Variants in CDK13 observed in about 807,000 individuals in gnomAD.
CDK13 encodes cyclin dependent kinase 13, also known as cyclin-dependent kinase 13.
CDK13 carries 40 observed loss-of-function variants against 137.6 expected under a neutral mutation model. The ratio of observed to expected loss-of-function variants is 0.29; its 90% CI spans 0.23 to 0.38. CDK13 has a LOEUF of 0.38. Ranked by LOEUF, CDK13 falls within the 10% of genes least tolerant of loss-of-function variation. The probability of loss-of-function intolerance (pLI) is 1.00; values close to 1 mark genes in which losing one functional copy is unlikely to be tolerated. For missense variants in CDK13, 1,704 were observed against 1,951.8 expected, an observed-to-expected ratio of 0.87 and a Z score of 2.39; for synonymous variants, 869 against 760.1, an observed-to-expected ratio of 1.14 and a Z score of -2.36.
Position 39,951,132 on chromosome 7 carries a change from C to T in CDK13, c.491C>T (p.Ala164Val). 1.6e-6 allele frequency: 2 copies of T among 1,242,560 alleles called. No homozygotes were observed. The highest frequency in any genetic ancestry group is 1.0e-6 in the Non-Finnish European group (1 of 994,634). 77.0% of individuals were successfully genotyped at this position (1,242,560 alleles called of 1,614,324 possible). A position where few individuals can be genotyped will look rare whatever the true frequency, so the allele number is the denominator to read the frequency against. Residue 164 changes from alanine to valine, a missense_variant, in exon 1 of 14, where the codon GCG becomes GTG. By Grantham distance (64) the Ala-to-Val change is moderately conservative. Transcript: ENST00000181839. ...GGGCTGCTGCTGGGGGGGGCCAGCGCGGCAACGGCGGCGACGGCTGCCGGG... is the reference window on the plus strand; with the variant it reads ...GGGCTGCTGCTGGGGGGGGCCAGCGTGGCAACGGCGGCGACGGCTGCCGGG... ...EQGLLLGGAS[A>V]ATAATAAGGT... is the part of the protein sequence containing the mutation.
intron 9 of CDK13, chr7:40,068,030 G>C (rs1786320234): frequency 6.6e-6 from 1 of 151,670 alleles, no homozygotes; most frequent in South Asian, 2.1e-4. Context: ...AGAAGGCGGA[G>C]GTTGCAGTGA....
At chr7:40,092,707 A>G in intron 12 of CDK13, 78 bp from the exon 13 acceptor site, 1 of 979,942 alleles carries the variant, frequency 1.0e-6, no homozygotes, top group East Asian at 2.4e-5. Context: ...TTCATATGGT[A>G]ATACAGAGCC....
At chr7:40,039,308 TGGAGTGCA>T (rs1161993558) in intron 5 of CDK13, among the ~76,000 whole-genome samples, 1 of 152,086 alleles carries the variant, frequency 6.6e-6, no homozygotes, top group African/African-American at 2.4e-5. Flanking sequence ...TTGCCCAGGC[TGGAGTGCA>T]GGAGTGCAGT....
chr7:40,080,218 C>T (rs1299493403), intron 11 of CDK13, among the ~76,000 whole-genome samples: 1 of 152,110 alleles, frequency 6.6e-6, no homozygotes, highest in Non-Finnish European at 1.5e-5. Flanking sequence ...GAACTCTTGA[C>T]CTCAGGTGAT....
rs527332051 is a variant in CDK13, at chr7:39,992,830, G to A, written c.1871+4572G>A. Among the ~76,000 whole-genome samples the A allele has an allele frequency of 2.6e-4, 40 of 151,918 alleles. No homozygotes were observed. In the South Asian group the frequency reaches 8.3e-3, roughly 32 times the overall value. The stretch of plus-strand genomic sequence containing the variant: ...TTCCCATAATCTGGAAATTACTTGT[G>A]CTTTGTTTATATAAAGAATACACAG... On this transcript the variant is annotated intron_variant, in intron 2 of 13. Transcript: ENST00000181839.
intron 9 of CDK13, among the ~76,000 whole-genome samples, chr7:40,063,808 C>T (rs997393349): frequency 4.0e-5 from 6 of 151,830 alleles, no homozygotes; most frequent in African/African-American, 1.5e-4. Flanking sequence ...CGGGTGCCCA[C>T]CACCATGCCC....
intron 5 of CDK13, among the ~76,000 whole-genome samples, chr7:40,027,341 TCACACAAA>T (rs1353057202): frequency 6.6e-6 from 1 of 152,196 alleles, no homozygotes; most frequent in East Asian, 1.9e-4. Flanking sequence ...AGACTCTGTC[TCACACAAA>T]CACACAAACA....
intron 11 of CDK13, among the ~76,000 whole-genome samples, chr7:40,086,248 C>G (rs1176496850): frequency 6.6e-6 from 1 of 152,154 alleles, no homozygotes; most frequent in African/African-American, 2.4e-5. Context: ...AGGCCATCCT[C>G]AAAGCTCAGT....
intron 2 of CDK13, among the ~76,000 whole-genome samples, chr7:39,995,421 G>A (rs1351757124): frequency 6.6e-6 from 1 of 152,022 alleles, no homozygotes; most frequent in Non-Finnish European, 1.5e-5. Context: ...ATTTTCAGTT[G>A]GCATTCAGGT....
intron 12 of CDK13, among the ~76,000 whole-genome samples, chr7:40,089,809 G>GTA (rs1786881754): frequency 6.6e-6 from 1 of 151,916 alleles, no homozygotes; most frequent in African/African-American, 2.4e-5. Flanking sequence ...TAAGAGATGA[G>GTA]TATATGTTGA....
intron 2 of CDK13, among the ~76,000 whole-genome samples, chr7:39,996,983 A>AAAAAAAGAG (rs1562719391): frequency 7.1e-6 from 1 of 141,434 alleles, no homozygotes; most frequent in African/African-American, 3.0e-5. Flanking sequence ...AAAAGAAAAA[A>AAAAAAAGAG]AAAAAGAAAA....
intron 9 of CDK13, among the ~76,000 whole-genome samples, chr7:40,076,348 T>A (rs575436354): frequency 1.3e-5 from 2 of 152,286 alleles, no homozygotes; most frequent in Non-Finnish European, 2.9e-5. Context: ...CAGAAGACTT[T>A]TATTAATTAG....
At position 39,988,103 on chromosome 7, in the gene CDK13, T is replaced by C. The variant is rs764436014; in HGVS notation, c.1716T>C (p.Ala572=). 7 of 1,613,674 alleles carry C rather than the reference T, an allele frequency of 4.3e-6. No homozygotes were observed. The highest frequency in any genetic ancestry group is 5.9e-6 in the Non-Finnish European group (7 of 1,179,898). Residue 572 remains alanine (A), a synonymous_variant, in exon 2 of 14, where the codon GCT becomes GCC. Coordinates refer to ENST00000181839, the MANE Select transcript of CDK13 (RefSeq NM_003718.5). ...TTGGAAAGGAGAGTAAATCTGCTGCTACAAAGGAGGAATCAGTATCTCTTA... is the reference window on the plus strand; with the variant it reads ...TTGGAAAGGAGAGTAAATCTGCTGCCACAAAGGAGGAATCAGTATCTCTTA... ...VIVGKESKSA[A]TKEESVSLKE...
chr7:39,959,462 TTTTC>T (rs1439343512), intron 1 of CDK13, among the ~76,000 whole-genome samples: 1 of 150,932 alleles, frequency 6.6e-6, no homozygotes, highest in Non-Finnish European at 1.5e-5. Flanking sequence ...TGCCTGGCCT[TTTTC>T]TTTCTTTTTT....
chr7:40,082,906 A>G (rs1300753872), intron 11 of CDK13, among the ~76,000 whole-genome samples: 1 of 151,288 alleles, frequency 6.6e-6, no homozygotes, highest in Non-Finnish European at 1.5e-5. Flanking sequence ...TTTGAGACCA[A>G]TCTGGGCAAC....
chr7:40,044,619 G>C (rs1199679847), intron 5 of CDK13, among the ~76,000 whole-genome samples: 1 of 151,538 alleles, frequency 6.6e-6, no homozygotes. Flanking sequence ...GCGCCCGGCT[G>C]TCTTTTGCTT....
At chr7:40,006,105 A>G (rs1468799437) in intron 5 of CDK13, among the ~76,000 whole-genome samples, 1 of 152,218 alleles carries the variant, frequency 6.6e-6, no homozygotes, top group African/African-American at 2.4e-5. Flanking sequence ...TTTCATCTGC[A>G]TATAGTTTCA....
Position 40,097,289 on chromosome 7 carries a change from G to C in CDK13, c.*2309G>C, listed in dbSNP as rs1787068692. 6.6e-6 allele frequency: 1 copy of C among 151,910 alleles called. No homozygotes were observed. Among genetic ancestry groups the C allele is most frequent in the African/African-American group, 2.4e-5 (1 of 41,358 alleles). 9.4% of individuals were successfully genotyped at this position (151,910 alleles called of 1,614,324 possible). A position where few individuals can be genotyped will look rare whatever the true frequency, so the allele number is the denominator to read the frequency against. On this transcript the variant is annotated 3_prime_UTR_variant, in exon 14 of 14. Transcript: ENST00000181839. ...CACAGCACTACTGTGAGACATACTA[G>C]TCTTTTATATGTCACTTAGAAGAAA... is the stretch of plus-strand genomic sequence containing the variant.
rs902376952 is a variant in CDK13, at chr7:40,095,528, C to G, written c.*548C>G. 1 of 143,032 alleles carries G rather than the reference C, an allele frequency of 7.0e-6. No homozygotes were observed. The highest frequency in any genetic ancestry group is 2.7e-5 in the African/African-American group (1 of 36,992). 8.9% of individuals were successfully genotyped at this position (143,032 alleles called of 1,614,324 possible). A position where few individuals can be genotyped will look rare whatever the true frequency, so the allele number is the denominator to read the frequency against. ...TCAGAAAATAAAACACAACCTTTCT[C>G]TTGATGCAACAGTTTTATAAAAAAA... is the stretch of plus-strand genomic sequence containing the variant. On this transcript the variant is annotated 3_prime_UTR_variant, in exon 14 of 14. Transcript: ENST00000181839.
Sources: allele counts gnomAD v4.1 joint callset (sites outside exome capture counted in the v4.1 genomes callset), GRCh38; gene constraint gnomAD v4.1.1; transcripts MANE v1.5; gene names NCBI Gene and HGNC (gene_info 2026-07-23, HGNC 2026-07-21).